TTN: variants seen among roughly 807,000 people sequenced by gnomAD.
TTN encodes connectin.
In TTN, 1,525 loss-of-function variants were observed where a neutral mutation model predicts 3,223.0. The observed-to-expected ratio is 0.47, with a 90% confidence interval of 0.45 to 0.49. The LOEUF (loss-of-function observed/expected upper bound fraction) is 0.49. Among genes scored for constraint, TTN ranks in the 20% least tolerant of loss-of-function variants. The probability of loss-of-function intolerance (pLI) is 0.00; values close to 1 mark genes in which losing one functional copy is unlikely to be tolerated. For missense variants in TTN, 40,786 were observed against 43,424.0 expected (o/e 0.94, Z 5.40); for synonymous variants, 14,094 against 15,161.0 (o/e 0.93, Z 5.17).
Position 178,727,787 on chromosome 2 carries a change from T to C in TTN, c.19791A>G (p.Leu6597=). 1 of 1,613,092 alleles carries C rather than the reference T, an allele frequency of 6.2e-7. No homozygotes were observed. Among genetic ancestry groups the C allele is most frequent in the Non-Finnish European group, 8.5e-7 (1 of 1,179,328 alleles). Residue 6597 remains leucine, a synonymous_variant, in exon 68 of 363, where the codon CTA becomes CTG. Coordinates refer to ENST00000589042, the MANE Select transcript of TTN (RefSeq NM_001267550.2). ...PDSTVEFKAI[L]KGTPPFKIKW... ...TTATTTTAAATGGTGGTGTTCCTTT[T>C]AGTATTGCCTTAAATTCCACTGTAG...
chr2:178,695,265 C>A, intron 115 of TTN, 83 bp downstream of exon 115: 1 of 1,077,328 alleles, frequency 9.3e-7, no homozygotes, highest in Non-Finnish European at 1.4e-6. Context: ...TTGGATTGAA[C>A]TGCTGATTTA....
chr2:178,557,306 C>T lies in TTN; in HGVS notation c.87956G>A (p.Gly29319Glu), dbSNP rs750942235. 2 of 1,613,938 alleles carry T rather than the reference C, an allele frequency of 1.2e-6. No individual in the cohort carries two copies. Among genetic ancestry groups the T allele is most frequent in the Non-Finnish European group, 1.7e-6 (2 of 1,179,874 alleles). Reference sequence around the variant, plus strand: ...AGAAGGATGGCTAGGTTTTCCAACTCCAGCAGCATTTTCTGCATACACCCT... The same window carrying T: ...AGAAGGATGGCTAGGTTTTCCAACTTCAGCAGCATTTTCTGCATACACCCT... ...EFRVYAENAA[G>E]VGKPSHPSEP... Residue 29319 changes from glycine to glutamate, a missense_variant, in exon 329 of 363, where the codon GGA (glycine) becomes GAA (glutamate). Transcript: ENST00000589042.
Position 178,725,820 on chromosome 2 carries a change from T to G in TTN, c.20502A>C (p.Lys6834Asn). ...TATCACTTCCCACTTCATTCTGTGCTTTGCAGTGGTATTCACCGATGTCTG... is the reference window on the plus strand; with the variant it reads ...TATCACTTCCCACTTCATTCTGTGCGTTGCAGTGGTATTCACCGATGTCTG... Reference protein sequence around the residue: ...DTSDIGEYHCKAQNEVGSDTC... With the variant: ...DTSDIGEYHCNAQNEVGSDTC... Residue 6834 changes from lysine to asparagine, a missense_variant, in exon 70 of 363, where the codon AAA becomes AAC. Coordinates refer to ENST00000589042, the MANE Select transcript of TTN (RefSeq NM_001267550.2). The G allele has an allele frequency of 6.2e-7, 1 of 1,612,640 alleles. No individual in the cohort carries two copies. The highest frequency in any genetic ancestry group is 8.5e-7 in the Non-Finnish European group (1 of 1,179,124).
chr2:178,664,060 C>T lies in TTN; in HGVS notation c.36319G>A (p.Val12107Met), dbSNP rs750767047. ...APKEIIPEKKVSVVPPKKPEV... is the reference protein window; with the variant it reads ...APKEIIPEKKMSVVPPKKPEV... ...GGCTTTTTAGGAGGCACCACCGACACTTTCTTTTCAGGGATAATCTCTTTG... is the reference window on the plus strand; with the variant it reads ...GGCTTTTTAGGAGGCACCACCGACATTTTCTTTTCAGGGATAATCTCTTTG... Residue 12107 changes from valine (V) to methionine (M), a missense_variant, in exon 169 of 363, where the codon GTG becomes ATG. Physicochemically the swap from Val to Met is conservative, Grantham distance 21. Transcript: ENST00000589042. The T allele has an allele frequency of 1.2e-6, 2 of 1,613,174 alleles. No homozygotes were observed. Among genetic ancestry groups the T allele is most frequent in the South Asian group, 1.1e-5 (1 of 91,054 alleles).
Position 178,679,341 on chromosome 2 carries a change from T to A in TTN, c.33740A>T (p.Lys11247Ile). 6.2e-7 allele frequency: 1 copy of A among 1,612,536 alleles called. No homozygotes were observed. The change falls in exon 142 of 363, where the codon AAA (lysine) becomes ATA (isoleucine). Residue 11247 changes from lysine to isoleucine, a missense_variant and splice_region_variant. By Grantham distance (102) the Lys-to-Ile change is moderately radical. Coordinates refer to ENST00000589042, the MANE Select transcript of TTN (RefSeq NM_001267550.2). ...IPKKEKPPPA[K>I]VPEVPKKPVP... ...ACTGATGGATTATAAGGATGTACCT[T>A]TTGCTGGCGGAGGCTTCTCCTTTTT...
chr2:178,550,322 A>G (rs373297789), intron 336 of TTN, 49 bp from the exon 337 acceptor site: 74 of 1,450,956 alleles, frequency 5.1e-5, no homozygotes, highest in Non-Finnish European at 6.2e-5. Flanking sequence ...TAATAAAGAC[A>G]TACATAAATA....
At chr2:178,752,987 T>C in intron 47 of TTN, 137 bp downstream of exon 47, 1 of 586,860 alleles carries the variant, frequency 1.7e-6, no homozygotes, top group East Asian at 3.0e-5. Context: ...TGCGACATAG[T>C]AATATATACT....
rs767727056 is a variant in TTN, at chr2:178,636,153, T to A, written c.41418A>T (p.Lys13806Asn). The change falls in exon 226 of 363, where the codon AAA becomes AAT. Residue 13806 changes from lysine (K) to asparagine (N), a missense_variant. Physicochemically the swap from Lys to Asn is moderately conservative, Grantham distance 94. Coordinates refer to ENST00000589042, the MANE Select transcript of TTN (RefSeq NM_001267550.2). The surrounding 1 kb of genome is among the most constrained non-coding windows in gnomAD (Gnocchi z 4.3). Reference sequence around the variant, plus strand: ...CCTTCCTCCAGACCACGTCACGCTCTTTGTTTAACTCGCAGCTCAAGTACA... The same window carrying A: ...CCTTCCTCCAGACCACGTCACGCTCATTGTTTAACTCGCAGCTCAAGTACA... ...QPLYLSCELN[K>N]ERDVVWRKDG... The A allele has an allele frequency of 6.2e-7, 1 of 1,613,034 alleles. No individual in the cohort carries two copies. Among genetic ancestry groups the A allele is most frequent in the Non-Finnish European group, 8.5e-7 (1 of 1,179,448 alleles).
chr2:178,763,218 T>C (rs1247652313), intron 43 of TTN, among the ~76,000 whole-genome samples: 1 of 152,214 alleles, frequency 6.6e-6, no homozygotes, highest in East Asian at 1.9e-4. Context: ...TCCACATATA[T>C]TGTCTCATTC....
Position 178,706,485 on chromosome 2 carries a change from T to C in TTN, c.29389A>G (p.Ile9797Val). ...QVDERKKQEK[I>V]EGDLRAMLKK... ...AGCATTGCTCTAAGATCGCCTTCAATTTTCTCTTGTTTCTTCCTTTCATCC... is the reference window on the plus strand; with the variant it reads ...AGCATTGCTCTAAGATCGCCTTCAACTTTCTCTTGTTTCTTCCTTTCATCC... Residue 9797 changes from isoleucine (I) to valine (V), a missense_variant, in exon 102 of 363, where the codon ATT (isoleucine) becomes GTT (valine). Coordinates refer to ENST00000589042, the MANE Select transcript of TTN (RefSeq NM_001267550.2). The C allele has an allele frequency of 6.2e-7, 1 of 1,613,666 alleles. No homozygotes were observed. Among genetic ancestry groups the C allele is most frequent in the Non-Finnish European group, 8.5e-7 (1 of 1,179,716 alleles).
chr2:178,761,290 C>T (rs7604033), intron 43 of TTN, among the ~76,000 whole-genome samples: 17,051 of 152,124 alleles, frequency 0.11, 1,406 homozygotes, highest in Admixed American at 0.28. Context: ...CACAGTATCA[C>T]TTCTAAAAAG....
chr2:178,686,161 C>T (rs947436767), intron 127 of TTN, among the ~76,000 whole-genome samples: 1 of 113,298 alleles, frequency 8.8e-6, no homozygotes, highest in Non-Finnish European at 1.6e-5. Flanking sequence ...CGCTCTGTCG[C>T]CCAGGCTGGA....
chr2:178,738,012 T>G, intron 49 of TTN, 70 bp downstream of exon 49: 1 of 1,559,534 alleles, frequency 6.4e-7, no homozygotes, highest in Non-Finnish European at 8.7e-7. Flanking sequence ...TTCCCACACA[T>G]GTACAGAAAG....
chr2:178,631,561 GC>G (rs1244507120), intron 236 of TTN, among the ~76,000 whole-genome samples: 7 of 151,998 alleles, frequency 4.6e-5, no homozygotes, highest in Non-Finnish European at 2.9e-5. Context: ...CTGAAATTTA[GC>G]TTCAAATACA....
At chr2:178,750,603 T>A (rs1162625481) in intron 47 of TTN, 1 of 1,612,460 alleles carries the variant, frequency 6.2e-7, no homozygotes, top group Non-Finnish European at 8.5e-7. Context: ...CGAAAAGAAT[T>A]TTCAAAAAAT....
chr2:178,646,104 T>TTATATATG (rs1553761410), intron 216 of TTN, 74 bp from the exon 217 acceptor site: 1 of 37,646 alleles, frequency 2.7e-5, no homozygotes, highest in South Asian at 9.0e-4. Context: ...TTAATAGAAA[T>TTATATATG]TATATATATA....
In TTN at chr2:178,665,401, C is replaced by A; in HGVS notation, c.36019G>T (p.Glu12007Ter). The change falls in exon 165 of 363, where the codon GAG (glutamate) becomes TAG (stop). Residue 12007 changes from glutamate (E) to a stop codon, truncating the protein, a stop_gained. Transcript: ENST00000589042. LOFTEE classifies it high-confidence loss of function. ...EMKIFEDVPEEPETPRMKTPE... is the reference protein window; with the variant it reads ...EMKIFEDVPE ...CTTTTCATACGTGGAGTTTCTGGCT[C>A]TTCAGGTACATCCTCAAATATTTTC... 1 of 1,612,420 alleles carries A rather than the reference C, an allele frequency of 6.2e-7. No individual in the cohort carries two copies. The highest frequency in any genetic ancestry group is 8.5e-7 in the Non-Finnish European group (1 of 1,179,620).
rs759054847 is a variant in TTN at position 178,746,919 on chromosome 2, T to G, written c.11312-4998A>C. Reference sequence around the variant, plus strand: ...GTACCAAATGAATCGGAACGCCATATTTCATAAGCTGAACCCCTCTCTTCT... The same window carrying G: ...GTACCAAATGAATCGGAACGCCATAGTTCATAAGCTGAACCCCTCTCTTCT... On this transcript the variant is annotated intron_variant, in intron 47 of 362. Coordinates refer to ENST00000589042, the MANE Select transcript of TTN (RefSeq NM_001267550.2). 5 of 1,613,438 alleles carry G rather than the reference T, an allele frequency of 3.1e-6. No individual in the cohort carries two copies. In the African/African-American group the frequency reaches 5.3e-5, roughly 17 times the overall value.
In TTN at chr2:178,692,528, G is replaced by T. The variant is rs879195515; in HGVS notation, c.31647C>A (p.Ile10549=). The part of the protein sequence containing the change: ...PAPEEVAPVP[I]PKKVEPPAPK... ...GTGCTGGGGGCTCCACTTTTTTAGGGATAGGAACAGGGGCCACTTCTTCTG... is the reference window on the plus strand; with the variant it reads ...GTGCTGGGGGCTCCACTTTTTTAGGTATAGGAACAGGGGCCACTTCTTCTG... Residue 10549 remains isoleucine, a synonymous_variant, in exon 120 of 363, where the codon ATC becomes ATA. Coordinates refer to ENST00000589042, the MANE Select transcript of TTN (RefSeq NM_001267550.2). The T allele has an allele frequency of 5.7e-6, 9 of 1,587,894 alleles. No individual in the cohort carries two copies. The highest frequency in any genetic ancestry group is 1.3e-5 in the African/African-American group (1 of 74,376).
Sources: allele counts gnomAD v4.1 joint callset (sites outside exome capture counted in the v4.1 genomes callset), GRCh38; gene constraint gnomAD v4.1.1; non-coding constraint Gnocchi (gnomAD v3.1); transcripts MANE v1.5; gene names NCBI Gene and HGNC (gene_info 2026-07-23, HGNC 2026-07-21).